Variants in CDH2 observed in about 807,000 individuals in gnomAD.
CDH2 encodes cadherin-2.
CDH2 carries 17 observed loss-of-function variants against 92.0 expected under a neutral mutation model. The ratio of observed to expected loss-of-function variants is 0.18; its 90% CI spans 0.13 to 0.28. The LOEUF is 0.28. CDH2 is among the 10% of genes least tolerant of loss of function. The pLI is 1.00. For synonymous variants in CDH2, 419 were observed against 415.9 expected (o/e 1.01, Z -0.09); for missense variants, 862 against 1,133.1 (o/e 0.76, Z 3.44).
intron 3 of CDH2, among the ~76,000 whole-genome samples, chr18:28,013,153 T>A (rs749660510): frequency 2.6e-5 from 4 of 152,210 alleles, no homozygotes; most frequent in Non-Finnish European, 5.9e-5. Flanking sequence ...GAAATGTACC[T>A]CATTTATTTT....
intron 2 of CDH2, among the ~76,000 whole-genome samples, chr18:28,101,966 T>A (rs2144234251): frequency 6.6e-6 from 1 of 152,194 alleles, no homozygotes; most frequent in Admixed American, 6.6e-5. Context: ...TCTTCCTATT[T>A]CTCAAATTGC....
chr18:28,176,513 A>G (rs900811332), intron 1 of CDH2, among the ~76,000 whole-genome samples: 2 of 152,168 alleles, frequency 1.3e-5, no homozygotes, highest in Non-Finnish European at 2.9e-5. Flanking sequence ...TCCCGTAACT[A>G]AGACACCAGA....
intron 2 of CDH2, among the ~76,000 whole-genome samples, chr18:28,125,738 C>T (rs187539393): frequency 1.2e-3 from 181 of 152,134 alleles, no homozygotes; most frequent in African/African-American, 4.0e-3. Context: ...CTAACAGGCA[C>T]GTAAGACAGT....
chr18:27,982,766 A>G (rs1002127431), intron 14 of CDH2, among the ~76,000 whole-genome samples, 178 bp downstream of exon 14: 4 of 151,600 alleles, frequency 2.6e-5, no homozygotes, highest in African/African-American at 7.3e-5. Flanking sequence ...ATACAATGAC[A>G]TTTGGTACTT....
At chr18:28,050,242 G>C (rs545669113) in intron 2 of CDH2, among the ~76,000 whole-genome samples, 21 of 152,244 alleles carry the variant, frequency 1.4e-4, no homozygotes, top group South Asian at 6.2e-4. Flanking sequence ...ATCACAAATA[G>C]AGCCCATTTT....
At chr18:28,122,114 C>T (rs1238420631) in intron 2 of CDH2, among the ~76,000 whole-genome samples, 4 of 152,012 alleles carry the variant, frequency 2.6e-5, no homozygotes, top group African/African-American at 9.7e-5. Flanking sequence ...CTTCCTGGTA[C>T]CATATGCCCA....
At chr18:28,016,073 T>C (rs2013237919) in intron 2 of CDH2, among the ~76,000 whole-genome samples, 1 of 152,254 alleles carries the variant, frequency 6.6e-6, no homozygotes, top group Admixed American at 6.5e-5. Context: ...TCGACCATGA[T>C]GCCTTTCACA....
chr18:28,151,934 G>A (rs1030330568), intron 1 of CDH2, among the ~76,000 whole-genome samples: 2 of 152,084 alleles, frequency 1.3e-5, no homozygotes, highest in Admixed American at 6.5e-5. Context: ...ACATGGCTGT[G>A]TTCATTCTAA....
Position 28,002,008 on chromosome 18 carries a change from G to C in CDH2, c.1020+989C>G, listed in dbSNP as rs17522464. On this transcript the variant is annotated intron_variant, in intron 7 of 15. Coordinates refer to ENST00000269141, the MANE Select transcript of CDH2 (RefSeq NM_001792.5). Reference sequence around the variant, plus strand: ...CTCAGCCAGAAATCTACAAAGCACAGATCTCCCTATGAGTTGGCGCTTTGA... The same window carrying C: ...CTCAGCCAGAAATCTACAAAGCACACATCTCCCTATGAGTTGGCGCTTTGA... Among the ~76,000 whole-genome samples the C allele has an allele frequency of 8.2e-3, 1,242 of 152,280 alleles. 16 individuals are homozygous for C. The highest frequency in any genetic ancestry group is 0.029 in the African/African-American group (1,185 of 41,542).
chr18:28,090,875 T>C (rs1037000289), intron 2 of CDH2, among the ~76,000 whole-genome samples: 3 of 152,196 alleles, frequency 2.0e-5, no homozygotes, highest in Non-Finnish European at 2.9e-5. Flanking sequence ...TTTATTCCTT[T>C]TCACTCTGCC....
At chr18:28,047,202 A>G (rs2014094164) in intron 2 of CDH2, among the ~76,000 whole-genome samples, 1 of 152,344 alleles carries the variant, frequency 6.6e-6, no homozygotes, top group East Asian at 1.9e-4. Flanking sequence ...AAAAGCACCA[A>G]GAGATTTAAA....
chr18:27,960,675 C>T (rs2011378539), intron 15 of CDH2, among the ~76,000 whole-genome samples: 1 of 152,160 alleles, frequency 6.6e-6, no homozygotes, highest in Non-Finnish European at 1.5e-5. Context: ...ATGTTACACA[C>T]ATGGATGTTC....
At chr18:28,093,077 T>C (rs2015065685) in intron 2 of CDH2, among the ~76,000 whole-genome samples, 1 of 152,172 alleles carries the variant, frequency 6.6e-6, no homozygotes, top group African/African-American at 2.4e-5. Context: ...CATCACGATC[T>C]AGTAGGTACT....
chr18:28,128,925 G>T (rs2015721619), intron 2 of CDH2, among the ~76,000 whole-genome samples: 1 of 152,092 alleles, frequency 6.6e-6, no homozygotes. Context: ...CAAACCAAAG[G>T]CCTATTTGAA....
chr18:28,007,563 A>G (rs1431851311), intron 5 of CDH2, among the ~76,000 whole-genome samples: 1 of 152,150 alleles, frequency 6.6e-6, no homozygotes, highest in Non-Finnish European at 1.5e-5. Flanking sequence ...TTCAATACCT[A>G]TAGAGATAAT....
At chr18:27,944,437 G>A (rs776531355) in intron 6 of CDH2, among the ~76,000 whole-genome samples, 1 of 151,886 alleles carries the variant, frequency 6.6e-6, no homozygotes, top group African/African-American at 2.4e-5. Context: ...TGAATTACTC[G>A]AGGTCAGCAT....
chr18:28,016,672 G>A (rs11564414), intron 2 of CDH2, among the ~76,000 whole-genome samples: 29,808 of 152,010 alleles, frequency 0.2, 3,374 homozygotes, highest in Non-Finnish European at 0.25. Context: ...TTGATTTCCA[G>A]CGGTTTACTC....
At chr18:27,992,170 A>C (rs1243260237) in intron 9 of CDH2, among the ~76,000 whole-genome samples, 1 of 152,178 alleles carries the variant, frequency 6.6e-6, no homozygotes, top group Admixed American at 6.5e-5. Flanking sequence ...TTTGTTCACT[A>C]TCTGCCAATA....
chr18:27,963,488 T>G lies in CDH2; in HGVS notation c.2383A>C (p.Thr795Pro), dbSNP rs150933422. Residue 795 changes from threonine to proline, a missense_variant, in exon 15 of 16, where the codon ACT becomes CCT. By Grantham distance (38) the Thr-to-Pro change is conservative. Coordinates refer to ENST00000269141, the MANE Select transcript of CDH2 (RefSeq NM_001792.5). ...YDLSQLQQPDTVEPDAIKPVG... is the reference protein window; with the variant it reads ...YDLSQLQQPDPVEPDAIKPVG... ...GGCTTGATGGCATCAGGCTCCACAG[T>G]GTCAGGCTGCTGCAGCTGGCTCAAG... 1,039 of 1,614,030 alleles carry G rather than the reference T, an allele frequency of 6.4e-4. 1 individual carries two copies. Among genetic ancestry groups the G allele is most frequent in the Non-Finnish European group, 8.1e-4 (952 of 1,180,004 alleles).
Sources: allele counts gnomAD v4.1 joint callset (sites outside exome capture counted in the v4.1 genomes callset), GRCh38; gene constraint gnomAD v4.1.1; transcripts MANE v1.5; gene names NCBI Gene and HGNC (gene_info 2026-07-23, HGNC 2026-07-21).